NECTIN3: variants seen among roughly 807,000 people sequenced by gnomAD.
NECTIN3 encodes the protein nectin cell adhesion molecule 3, also known as nectin-3.
In NECTIN3, 8 loss-of-function variants were observed where a neutral mutation model predicts 49.4. The observed-to-expected ratio is 0.16, with a 90% CI of 0.10 to 0.29. NECTIN3 has a LOEUF of 0.29. Ranked by LOEUF, NECTIN3 falls within the 10% of genes least tolerant of loss-of-function variation. NECTIN3 has a pLI of 1.00. For synonymous variants in NECTIN3, 277 were observed against 241.1 expected, an observed-to-expected ratio of 1.15 and a Z score of -1.38; for missense variants, 581 against 654.6, an observed-to-expected ratio of 0.89 and a Z score of 1.23.
exon 6 of NECTIN3, chr3:111,144,955 G>A: frequency 6.5e-7 from 1 of 1,536,294 alleles, no homozygotes; most frequent in Non-Finnish European, 8.7e-7. Flanking sequence ...AATTGGAGCT[G>A]TTCTTGCCCT....
chr3:111,106,156 A>G (rs2033173036), intron 1 of NECTIN3, among the ~76,000 whole-genome samples: 1 of 152,060 alleles, frequency 6.6e-6, no homozygotes, highest in Non-Finnish European at 1.5e-5. Flanking sequence ...GATCCTTGAC[A>G]TTTACACCTC....
chr3:111,144,975 T>G, exon 6 of NECTIN3: 1 of 1,536,450 alleles, frequency 6.5e-7, no homozygotes, highest in Non-Finnish European at 8.7e-7. Context: ...TTTTCATCAT[T>G]GCTATCTTTG....
intron 3 of NECTIN3, 84 bp downstream of exon 3, chr3:111,119,036 T>C: frequency 3.3e-6 from 4 of 1,195,650 alleles, no homozygotes; most frequent in Non-Finnish European, 3.4e-6. Context: ...TAATAGCTTT[T>C]CCTTGTTTTT....
chr3:111,111,269 A>C (rs1422692362), intron 1 of NECTIN3, among the ~76,000 whole-genome samples: 1 of 152,174 alleles, frequency 6.6e-6, no homozygotes, highest in African/African-American at 2.4e-5. Context: ...TTAGGAAGGA[A>C]AAACGTATTA....
chr3:111,129,030 A>T (rs536869963), intron 5 of NECTIN3, among the ~76,000 whole-genome samples: 1 of 152,200 alleles, frequency 6.6e-6, no homozygotes, highest in South Asian at 2.1e-4. Context: ...CATTTCTTAT[A>T]TGTTTTGCTC....
Position 111,176,590 on chromosome 3 carries a change from T to A in NECTIN3, c.1222-15761T>A, listed in dbSNP as rs1038673946. Reference sequence around the variant, plus strand: ...TATTAACTTTCCATAGCAGACAGTTTCTCTTTGTATTTTACCTTCTTAACC... The same window carrying A: ...TATTAACTTTCCATAGCAGACAGTTACTCTTTGTATTTTACCTTCTTAACC... On this transcript the variant is annotated intron_variant, in intron 7 of 8. Coordinates refer to the NECTIN3 transcript ENST00000493615. Among the ~76,000 whole-genome samples the A allele has an allele frequency of 3.9e-5, 6 of 152,222 alleles. No homozygotes were observed. In the East Asian group the frequency reaches 7.7e-4, roughly 20 times the overall value.
intron 4 of NECTIN3, among the ~76,000 whole-genome samples, chr3:111,123,166 A>G (rs1235878136): frequency 5.3e-5 from 8 of 152,198 alleles, no homozygotes; most frequent in Non-Finnish European, 1.5e-5. Flanking sequence ...TTATAAACTG[A>G]AAATAGGCCA....
At chr3:111,143,319 T>C (rs1458350760) in intron 5 of NECTIN3, among the ~76,000 whole-genome samples, 1 of 151,932 alleles carries the variant, frequency 6.6e-6, no homozygotes, top group Non-Finnish European at 1.5e-5. Context: ...GACAGAGTTA[T>C]AATGTTTCAG....
At chr3:111,072,495 T>G in intron 1 of NECTIN3, 38 of 1,535,874 alleles carry the variant, frequency 2.5e-5, no homozygotes, top group Non-Finnish European at 3.3e-5. Context: ...TCCTCGCTCA[T>G]TCTCTGGGAA....
At chr3:111,092,010 T>C (rs751029517) in intron 1 of NECTIN3, among the ~76,000 whole-genome samples, 1 of 152,226 alleles carries the variant, frequency 6.6e-6, no homozygotes, top group Non-Finnish European at 1.5e-5. Context: ...TGGTGTATGG[T>C]TGTTTTAATT....
chr3:111,099,457 A>C (rs181850075), intron 1 of NECTIN3, among the ~76,000 whole-genome samples: 362 of 152,140 alleles, frequency 2.4e-3, no homozygotes, highest in African/African-American at 8.3e-3. Flanking sequence ...TGTATGTCTT[A>C]TTTTCTTTTC....
chr3:111,098,805 T>C (rs1320142048), intron 1 of NECTIN3, among the ~76,000 whole-genome samples: 1 of 152,118 alleles, frequency 6.6e-6, no homozygotes, highest in Non-Finnish European at 1.5e-5. Flanking sequence ...ACCTGCAATA[T>C]TCTGTTTCTC....
chr3:111,075,996 A>C (rs2107350302), intron 1 of NECTIN3, among the ~76,000 whole-genome samples: 1 of 152,244 alleles, frequency 6.6e-6, no homozygotes. Flanking sequence ...ATATTTTTGG[A>C]AAGTAACCCA....
At chr3:111,178,808 G>A (rs1433639934) in intron 7 of NECTIN3, among the ~76,000 whole-genome samples, 1 of 152,172 alleles carries the variant, frequency 6.6e-6, no homozygotes, top group African/African-American at 2.4e-5. Flanking sequence ...ATGGTTTAAG[G>A]CACAGACTTT....
chr3:111,147,659 A>G (rs1294301528), intron 7 of NECTIN3, among the ~76,000 whole-genome samples: 3 of 152,160 alleles, frequency 2.0e-5, no homozygotes, highest in African/African-American at 7.2e-5. Flanking sequence ...AGCAATACCT[A>G]AGTTTTAACA....
rs1214797108 is a variant in NECTIN3 at position 111,072,119 on chromosome 3, G to T, written c.102G>T (p.Pro34=). The change falls in exon 1 of 6, where the codon CCG becomes CCT. Residue 34 remains proline, a synonymous_variant. Transcript: ENST00000485303. ...GAGCCGGGCTCCTGCTGCAGCCCCC[G>T]ACGCCACCTCCGCTGCTGCTGCTGC... ...LLGAGLLLQP[P]TPPPLLLLLF... 6.5e-7 allele frequency: 1 copy of T among 1,549,564 alleles called. No homozygotes were observed. The highest frequency in any genetic ancestry group is 8.7e-7 in the Non-Finnish European group (1 of 1,146,250).
In NECTIN3 at chr3:111,137,285, G is replaced by A; in HGVS notation, c.*3070G>A. 1.0e-6 allele frequency: 1 copy of A among 959,026 alleles called. No individual in the cohort carries two copies. The highest frequency in any genetic ancestry group is 1.2e-6 in the Non-Finnish European group (1 of 806,130). The allele number at this position is 959,026 out of a possible 1,614,324, so 59.4% of individuals were successfully genotyped here. A position where few individuals can be genotyped will look rare whatever the true frequency, so the allele number is the denominator to read the frequency against. The stretch of plus-strand genomic sequence containing the variant: ...TTGAATTTTTAATTCTAATAGGAGA[G>A]TAGATTGTAGATTGAATTGTCTTTC... On this transcript the variant is annotated 3_prime_UTR_variant, in exon 6 of 6. Transcript: ENST00000485303.
chr3:111,123,771 C>G (rs1467868335), intron 4 of NECTIN3, among the ~76,000 whole-genome samples: 1 of 152,068 alleles, frequency 6.6e-6, no homozygotes, highest in African/African-American at 2.4e-5. Context: ...CATAAGCAAC[C>G]CTTCACCCTG....
chr3:111,146,826 A>G (rs1428411073), intron 6 of NECTIN3, among the ~76,000 whole-genome samples: 1 of 152,186 alleles, frequency 6.6e-6, no homozygotes, highest in Non-Finnish European at 1.5e-5. Flanking sequence ...TATTTAAAAT[A>G]TATGAAAATG....
Sources: gnomAD v4.1 joint callset for allele counts (sites outside exome capture counted in the v4.1 genomes callset) on GRCh38, gnomAD v4.1.1 for gene constraint, MANE v1.5 for transcripts, NCBI Gene and HGNC (gene_info 2026-07-23, HGNC 2026-07-21) for gene names.